The following MCU variants were observed in gnomAD, a reference collection of about 807,000 sequenced individuals.
The protein encoded by MCU is mitochondrial calcium uniporter.
A neutral mutation model predicts 45.2 loss-of-function variants in MCU; 12 were observed. The observed-to-expected ratio is 0.27, with a 90% CI of 0.17 to 0.43. The LOEUF (loss-of-function observed/expected upper bound fraction) is 0.43, where lower values mean the gene tolerates loss of function less well. Among genes scored for constraint, MCU ranks in the 20% least tolerant of loss-of-function variants. MCU has a pLI of 1.00. For synonymous variants in MCU, 160 were observed against 165.1 expected (o/e 0.97, Z 0.24); for missense variants, 324 against 436.7 (o/e 0.74, Z 2.30).
At position 72,708,574 on chromosome 10, in the gene MCU, CAT is replaced by C. The variant is rs373676084; in HGVS notation, c.150+16275_150+16276del. On this transcript the variant is annotated intron_variant, in intron 1 of 7. Coordinates refer to ENST00000373053, the MANE Select transcript of MCU (RefSeq NM_138357.3). ...ACTGAGCCTAGTATAGTGTCAGTAACATAGACATTCAGTCCATGTTGGGTGAA... is the reference window on the plus strand; with the variant it reads ...ACTGAGCCTAGTATAGTGTCAGTAACAGACATTCAGTCCATGTTGGGTGAA... Among the ~76,000 whole-genome samples, 86 of 152,252 alleles carry C rather than the reference CAT, an allele frequency of 5.6e-4. No homozygotes were observed. The East Asian group carries it at 7.7e-3, about 14-fold the overall frequency.
intron 1 of MCU, among the ~76,000 whole-genome samples, chr10:72,766,341 G>T (rs930461086): frequency 6.6e-6 from 1 of 152,064 alleles, no homozygotes; most frequent in African/African-American, 2.4e-5. Context: ...ATTAGCATTA[G>T]CAATTTATGG....
rs552099964 is a variant in MCU, at chr10:72,767,483, TATTTAATTTA to T, written c.151-66859_151-66850del. Among the ~76,000 whole-genome samples, 378 of 152,264 alleles carry T rather than the reference TATTTAATTTA, an allele frequency of 2.5e-3. 1 individual carries two copies. Among genetic ancestry groups the T allele is most frequent in the African/African-American group, 8.4e-3 (351 of 41,564 alleles). ...AAATAGGTTCATTTCAGCTCTTTTGTATTTAATTTAATTTAATTTAATTTAACTGTGTTTT... is the reference window on the plus strand; with the variant it reads ...AAATAGGTTCATTTCAGCTCTTTTGTATTTAATTTAATTTAACTGTGTTTT... On this transcript the variant is annotated intron_variant, in intron 1 of 7. Coordinates refer to ENST00000373053, the MANE Select transcript of MCU (RefSeq NM_138357.3).
chr10:72,882,849 T>C (rs1238047943), intron 6 of MCU, among the ~76,000 whole-genome samples: 3 of 152,200 alleles, frequency 2.0e-5, no homozygotes, highest in Non-Finnish European at 4.4e-5. Context: ...CTTGCTGGTT[T>C]TGCGGCTTGT....
chr10:72,878,839 CAGAA>C (rs1468806812), intron 6 of MCU, among the ~76,000 whole-genome samples: 2 of 151,890 alleles, frequency 1.3e-5, no homozygotes, highest in East Asian at 1.9e-4. Context: ...ATTGGAGTCT[CAGAA>C]GGAGAAGAGA....
intron 1 of MCU, among the ~76,000 whole-genome samples, chr10:72,821,022 A>G (rs1464951733): frequency 1.3e-5 from 2 of 152,008 alleles, no homozygotes; most frequent in South Asian, 2.1e-4. Flanking sequence ...ATACAATTCT[A>G]TTCCTAGATT....
intron 1 of MCU, among the ~76,000 whole-genome samples, chr10:72,748,272 TC>T (rs1843443370): frequency 6.6e-6 from 1 of 152,240 alleles, no homozygotes. Flanking sequence ...GTTCTTGAAC[TC>T]CTGACTTCAG....
At chr10:72,719,706 T>TGA (rs1842996443) in intron 1 of MCU, among the ~76,000 whole-genome samples, 1 of 152,236 alleles carries the variant, frequency 6.6e-6, no homozygotes, top group Non-Finnish European at 1.5e-5. Context: ...TCCAGTGACT[T>TGA]GAGGATAAAT....
At chr10:72,821,514 GC>G (rs1844711691) in intron 1 of MCU, among the ~76,000 whole-genome samples, 1 of 152,188 alleles carries the variant, frequency 6.6e-6, no homozygotes, top group East Asian at 1.9e-4. Flanking sequence ...TGATATGCAT[GC>G]CTGAGTTCTT....
intron 1 of MCU, among the ~76,000 whole-genome samples, chr10:72,794,204 A>C (rs1844210547): frequency 6.6e-6 from 1 of 152,042 alleles, no homozygotes. Context: ...ATTCCTCTTG[A>C]TTTGAAGACC....
At chr10:72,723,683 G>T (rs538017029) in intron 1 of MCU, among the ~76,000 whole-genome samples, 23 of 152,092 alleles carry the variant, frequency 1.5e-4, no homozygotes, top group African/African-American at 5.6e-4. Context: ...ACATTTAATG[G>T]CAGCATAATA....
At chr10:72,741,401 A>G (rs970196872) in intron 1 of MCU, among the ~76,000 whole-genome samples, 1 of 152,166 alleles carries the variant, frequency 6.6e-6, no homozygotes, top group African/African-American at 2.4e-5. Context: ...GTGCCTGGCG[A>G]GAGTAGCATT....
At chr10:72,796,334 G>A (rs1844245551) in intron 1 of MCU, among the ~76,000 whole-genome samples, 1 of 152,008 alleles carries the variant, frequency 6.6e-6, no homozygotes, top group South Asian at 2.1e-4. Context: ...ACCTGCATGG[G>A]AGGCAGAGTC....
intron 1 of MCU, among the ~76,000 whole-genome samples, chr10:72,793,909 A>G (rs1844205655): frequency 6.6e-6 from 1 of 152,208 alleles, no homozygotes; most frequent in Admixed American, 6.5e-5. Flanking sequence ...CAGCTTGATC[A>G]TACTGTGAGC....
chr10:72,737,521 CTT>C (rs796167474), intron 1 of MCU, among the ~76,000 whole-genome samples: 1 of 136,402 alleles, frequency 7.3e-6, no homozygotes, highest in Non-Finnish European at 1.6e-5. Context: ...TTTTTCTTTC[CTT>C]TTTTTTTTTT....
chr10:72,823,554 C>A (rs1844746680), intron 1 of MCU, among the ~76,000 whole-genome samples: 1 of 152,026 alleles, frequency 6.6e-6, no homozygotes, highest in Non-Finnish European at 1.5e-5. Context: ...TTTGATCTTC[C>A]CTTTTATACT....
chr10:72,728,299 T>C (rs1843126260), intron 1 of MCU, among the ~76,000 whole-genome samples: 1 of 152,148 alleles, frequency 6.6e-6, no homozygotes, highest in Non-Finnish European at 1.5e-5. Flanking sequence ...TTTCTGACTT[T>C]TATTTTGAGG....
At chr10:72,778,465 T>G (rs774526460) in intron 1 of MCU, among the ~76,000 whole-genome samples, 5 of 152,040 alleles carry the variant, frequency 3.3e-5, no homozygotes, top group Admixed American at 6.6e-5. Flanking sequence ...ATGTGGGAGC[T>G]TAAAAAGTGG....
intron 1 of MCU, among the ~76,000 whole-genome samples, chr10:72,806,262 A>G (rs1223319266): frequency 2.0e-5 from 3 of 151,544 alleles, no homozygotes; most frequent in South Asian, 2.1e-4. Flanking sequence ...GGTTCAAGCA[A>G]TTCTCCTGCC....
chr10:72,871,290 C>G, intron 5 of MCU, 87 bp from the exon 6 acceptor site: 1 of 1,158,672 alleles, frequency 8.6e-7, no homozygotes, highest in Admixed American at 1.8e-5. Context: ...GATGATGAGC[C>G]CTGTTTCTTT....
Sources: gnomAD v4.1 joint callset for allele counts (sites outside exome capture counted in the v4.1 genomes callset) on GRCh38, gnomAD v4.1.1 for gene constraint, MANE v1.5 for transcripts, NCBI Gene and HGNC (gene_info 2026-07-23, HGNC 2026-07-21) for gene names.